Variants in PPM1L observed in about 807,000 individuals in gnomAD.
PPM1L encodes the protein protein phosphatase, Mg2+/Mn2+ dependent 1L.
In PPM1L, 13 loss-of-function variants were observed where a neutral mutation model predicts 31.4. The ratio of observed to expected loss-of-function variants is 0.41; its 90% CI spans 0.27 to 0.66. PPM1L has a LOEUF of 0.66. Among genes scored for constraint, PPM1L ranks in the 30% least tolerant of loss-of-function variants. The pLI, the probability that PPM1L is intolerant of heterozygous loss-of-function variation, is 0.29. For missense variants in PPM1L, 326 were observed against 453.7 expected (o/e 0.72, Z 2.56); for synonymous variants, 184 against 175.4 (o/e 1.05, Z -0.39).
intron 2 of PPM1L, among the ~76,000 whole-genome samples, chr3:161,025,251 T>C (rs1014411784): frequency 1.3e-5 from 2 of 152,038 alleles, no homozygotes; most frequent in African/African-American, 4.8e-5. Context: ...CCTTCATGAA[T>C]AGGTATAAGG....
chr3:160,852,447 A>C (rs1452264324), intron 1 of PPM1L, among the ~76,000 whole-genome samples: 2 of 152,174 alleles, frequency 1.3e-5, no homozygotes, highest in African/African-American at 2.4e-5. Context: ...GCAGTGAGAG[A>C]GCTTTCCCCC....
chr3:161,068,716 A>G, intron 3 of PPM1L, 95 bp from the exon 4 acceptor site: 2 of 1,014,844 alleles, frequency 2.0e-6, no homozygotes, highest in Non-Finnish European at 2.9e-6. Context: ...CCCAGTTCAC[A>G]TGAAGTAGGT....
At chr3:160,941,061 A>G (rs1308593523) in intron 1 of PPM1L, among the ~76,000 whole-genome samples, 1 of 152,208 alleles carries the variant, frequency 6.6e-6, no homozygotes. Context: ...GAGCTTTAAA[A>G]TTTGACTGCC....
chr3:160,909,233 A>G (rs1171659611), intron 1 of PPM1L, among the ~76,000 whole-genome samples: 1 of 152,110 alleles, frequency 6.6e-6, no homozygotes, highest in Non-Finnish European at 1.5e-5. Context: ...AATGAGGAGG[A>G]ATTTGCATGA....
At chr3:160,774,236 C>T (rs987873693) in intron 1 of PPM1L, among the ~76,000 whole-genome samples, 1 of 152,076 alleles carries the variant, frequency 6.6e-6, no homozygotes, top group Non-Finnish European at 1.5e-5. Context: ...GTCATGTTTT[C>T]CTTCTTCCTT....
chr3:160,807,318 G>A (rs1295529093), intron 1 of PPM1L, among the ~76,000 whole-genome samples: 1 of 152,170 alleles, frequency 6.6e-6, no homozygotes, highest in Non-Finnish European at 1.5e-5. Flanking sequence ...TTGCTGACAA[G>A]TTATTAATCA....
chr3:160,763,370 T>G (rs963569290), intron 1 of PPM1L, among the ~76,000 whole-genome samples: 1 of 152,216 alleles, frequency 6.6e-6, no homozygotes, highest in Non-Finnish European at 1.5e-5. Flanking sequence ...CCATCCTCAT[T>G]TTTAATGCAG....
At chr3:160,837,197 A>AT (rs1361787590) in intron 1 of PPM1L, among the ~76,000 whole-genome samples, 2 of 152,174 alleles carry the variant, frequency 1.3e-5, no homozygotes, top group African/African-American at 4.8e-5. Context: ...TAAACTATAT[A>AT]TAAAAAAAGC....
At chr3:160,922,182 C>T (rs1040776821) in intron 1 of PPM1L, among the ~76,000 whole-genome samples, 12 of 152,078 alleles carry the variant, frequency 7.9e-5, no homozygotes, top group African/African-American at 2.2e-4. Flanking sequence ...TGGTGGCAGG[C>T]ACCTGTAGTC....
chr3:160,933,225 A>G lies in PPM1L; in HGVS notation c.400-28511A>G, dbSNP rs184903433. Among the ~76,000 whole-genome samples the G allele has an allele frequency of 1.8e-4, 28 of 152,306 alleles. No individual in the cohort carries two copies. In the East Asian group the frequency reaches 3.7e-3, roughly 20 times the overall value. On this transcript the variant is annotated intron_variant, in intron 1 of 3. Coordinates refer to ENST00000498165, the MANE Select transcript of PPM1L (RefSeq NM_139245.4). ...TTAGCTGTTTGTTGATAGAAATGGC[A>G]CAGAAAGCAATTTGTTGTTTTTATT...
At chr3:160,813,003 A>T (rs773016677) in intron 1 of PPM1L, among the ~76,000 whole-genome samples, 3 of 152,168 alleles carry the variant, frequency 2.0e-5, no homozygotes, top group Non-Finnish European at 4.4e-5. Flanking sequence ...TTCTACAGGG[A>T]TATTCCTTTT....
chr3:160,987,615 A>G lies in PPM1L; in HGVS notation c.574+25705A>G, dbSNP rs1488652159. ...TTACTTCTCCAAGTATCTTCTTCAAATTTTCGGAAACATGACCCAGGCCTT... is the reference window on the plus strand; with the variant it reads ...TTACTTCTCCAAGTATCTTCTTCAAGTTTTCGGAAACATGACCCAGGCCTT... On this transcript the variant is annotated intron_variant, in intron 2 of 3. Transcript: ENST00000498165. 2.0e-5 allele frequency among the ~76,000 whole-genome samples: 3 copies of G among 152,122 alleles called. No homozygotes were observed. In the East Asian group the frequency reaches 5.8e-4, roughly 29 times the overall value.
intron 1 of PPM1L, among the ~76,000 whole-genome samples, chr3:160,784,388 C>A (rs1303564943): frequency 6.6e-6 from 1 of 152,050 alleles, no homozygotes; most frequent in Non-Finnish European, 1.5e-5. Flanking sequence ...AAGAGCCAAG[C>A]AAATCATCTT....
At position 160,756,752 on chromosome 3, in the gene PPM1L, CGTG is replaced by C. The variant is rs1356331240; in HGVS notation, c.399+46_399+48del. 3.9e-6 allele frequency: 4 copies of C among 1,016,704 alleles called. No individual in the cohort carries two copies. The highest frequency in any genetic ancestry group is 5.7e-6 in the Non-Finnish European group (4 of 700,470). 63.0% of individuals were successfully genotyped at this position (1,016,704 alleles called of 1,614,324 possible). On this transcript the variant is annotated intron_variant, in intron 1 of 3. Transcript: ENST00000498165. The surrounding 1 kb of genome is among the most constrained non-coding windows in gnomAD (Gnocchi z 6.2). The stretch of plus-strand genomic sequence containing the variant: ...TTTGTATTTGTGTCCGTGTATGTCT[CGTG>C]TGTGTGTGTGTGTGTGTGTGTGTGT...
intron 2 of PPM1L, among the ~76,000 whole-genome samples, chr3:161,026,735 G>A (rs1342955842): frequency 6.6e-6 from 1 of 151,820 alleles, no homozygotes; most frequent in East Asian, 1.9e-4. Flanking sequence ...GGAGATAGAA[G>A]TGTCTTGGTG....
intron 2 of PPM1L, among the ~76,000 whole-genome samples, chr3:161,002,765 A>C (rs1717543303): frequency 1.4e-5 from 2 of 142,278 alleles, no homozygotes; most frequent in Non-Finnish European, 3.0e-5. Flanking sequence ...TAGGTTGTGA[A>C]AATTTTCTCC....
intron 2 of PPM1L, among the ~76,000 whole-genome samples, chr3:160,963,769 C>T (rs1261996491): frequency 6.6e-6 from 1 of 152,030 alleles, no homozygotes; most frequent in Non-Finnish European, 1.5e-5. Flanking sequence ...ACATAATTTT[C>T]CACTCTCCTG....
At chr3:160,946,493 G>A (rs139428859) in intron 1 of PPM1L, among the ~76,000 whole-genome samples, 237 of 152,264 alleles carry the variant, frequency 1.6e-3, no homozygotes, top group African/African-American at 5.6e-3. Context: ...CCTCCTTGCA[G>A]ATAGGTGGAA....
Position 161,078,316 on chromosome 3 carries a change from A to G in PPM1L, c.*9159A>G, listed in dbSNP as rs1260713750. The G allele has an allele frequency of 2.6e-5, 4 of 152,192 alleles. No homozygotes were observed. Among genetic ancestry groups the G allele is most frequent in the Admixed American group, 1.3e-4 (2 of 15,288 alleles). The allele number at this position is 152,192 out of a possible 1,614,324, so 9.4% of individuals were successfully genotyped here. ...GCTGATGTTGAGACAGTGGCTTTGT[A>G]TAAGCTTTTATTTATACCTATTTCA... On this transcript the variant is annotated 3_prime_UTR_variant, in exon 4 of 4. Coordinates refer to ENST00000498165, the MANE Select transcript of PPM1L (RefSeq NM_139245.4).
Sources: allele counts gnomAD v4.1 joint callset (sites outside exome capture counted in the v4.1 genomes callset), GRCh38; gene constraint gnomAD v4.1.1; non-coding constraint Gnocchi (gnomAD v3.1); transcripts MANE v1.5; gene names NCBI Gene and HGNC (gene_info 2026-07-23, HGNC 2026-07-21).